GALNT10: variants seen among roughly 807,000 people sequenced by gnomAD.
The protein encoded by GALNT10 is GalNAc transferase 10.
A neutral mutation model predicts 75.0 loss-of-function variants in GALNT10; 41 were observed. That is an observed-to-expected ratio of 0.55 (90% CI 0.43 to 0.71). The LOEUF is 0.71. GALNT10 is among the 30% of genes least tolerant of loss of function. GALNT10 has a pLI of 0.00. For missense variants in GALNT10, 727 were observed against 818.5 expected (o/e 0.89, Z 1.36); for synonymous variants, 302 against 313.0 (o/e 0.96, Z 0.37).
intron 3 of GALNT10, among the ~76,000 whole-genome samples, chr5:154,309,094 A>AT (rs1258384938): frequency 1.3e-5 from 2 of 152,198 alleles, no homozygotes; most frequent in Non-Finnish European, 2.9e-5. Flanking sequence ...AATGGGGTAG[A>AT]TTTTATTTCA....
Position 154,352,111 on chromosome 5 carries a change from C to T in GALNT10, c.568+22373C>T, listed in dbSNP as rs1328835042. ...TCACTTAGGGAATATTTATGAAATA[C>T]CCACTCTGTATCTGTTTACCAGATA... is the stretch of plus-strand genomic sequence containing the variant. On this transcript the variant is annotated intron_variant, in intron 4 of 11. Transcript: ENST00000297107. This position sits in a 1 kb window ranked among gnomAD's most constrained non-coding sequence, Gnocchi z 4.4. 2.0e-5 allele frequency among the ~76,000 whole-genome samples: 3 copies of T among 152,216 alleles called. No individual in the cohort carries two copies. The highest frequency in any genetic ancestry group is 4.4e-5 in the Non-Finnish European group (3 of 68,036).
chr5:154,257,883 A>G (rs1048117017), intron 1 of GALNT10, among the ~76,000 whole-genome samples: 3 of 152,164 alleles, frequency 2.0e-5, no homozygotes, highest in Admixed American at 1.3e-4. Flanking sequence ...GTTTTTAAAA[A>G]TCTTTCTTGA....
intron 1 of GALNT10, among the ~76,000 whole-genome samples, chr5:154,239,605 A>T (rs1312795484): frequency 6.6e-6 from 1 of 152,172 alleles, no homozygotes; most frequent in Non-Finnish European, 1.5e-5. Context: ...CTTCCACAAA[A>T]CGAGTCCCTG....
At position 154,415,754 on chromosome 5, in the gene GALNT10, A is replaced by G. The variant is rs7727859; in HGVS notation, c.1504-29A>G. 8.8e-3 allele frequency: 14,028 copies of G among 1,586,876 alleles called. 1,113 individuals carry two copies. In the African/African-American group the frequency reaches 0.17, roughly 19 times the overall value. On this transcript the variant is annotated intron_variant, in intron 10 of 11. Coordinates refer to ENST00000297107, the MANE Select transcript of GALNT10 (RefSeq NM_198321.4). ...AAAAAAGAAAGTCCTTGGCTTTGCT[A>G]TCCCTATTTATGATGCCCCTGTGCA...
At chr5:154,311,161 G>A (rs1204910841) in intron 3 of GALNT10, among the ~76,000 whole-genome samples, 1 of 152,156 alleles carries the variant, frequency 6.6e-6, no homozygotes, top group Non-Finnish European at 1.5e-5. Context: ...GCAAACAGAT[G>A]CATTTTCTGA....
At chr5:154,410,320 G>A (rs1756370202) in intron 9 of GALNT10, among the ~76,000 whole-genome samples, 1 of 149,770 alleles carries the variant, frequency 6.7e-6, no homozygotes. Flanking sequence ...AGGATGACTT[G>A]AGCTCAGGAG....
intron 1 of GALNT10, among the ~76,000 whole-genome samples, chr5:154,243,097 C>T (rs1371016357): frequency 6.6e-6 from 1 of 151,876 alleles, no homozygotes; most frequent in Non-Finnish European, 1.5e-5. Flanking sequence ...TGTGCCTTCT[C>T]TCCCATCTGC....
intron 1 of GALNT10, among the ~76,000 whole-genome samples, chr5:154,232,924 G>A (rs13179668): frequency 0.17 from 25,379 of 152,098 alleles, 2,300 homozygotes; most frequent in Middle Eastern, 0.26. Context: ...ATGGAAGGGA[G>A]AATTACTCTA....
chr5:154,247,795 A>C (rs1753453133), intron 1 of GALNT10, among the ~76,000 whole-genome samples: 1 of 152,046 alleles, frequency 6.6e-6, no homozygotes, highest in Admixed American at 6.6e-5. Flanking sequence ...CTAATTGAAT[A>C]CCTTTATTTC....
chr5:154,353,265 G>A (rs1755237715), intron 4 of GALNT10, among the ~76,000 whole-genome samples: 1 of 152,116 alleles, frequency 6.6e-6, no homozygotes, highest in Non-Finnish European at 1.5e-5. Context: ...CCGCAATTAT[G>A]AGCGAAAACA....
At chr5:154,282,020 G>C (rs1754045486) in intron 1 of GALNT10, among the ~76,000 whole-genome samples, 1 of 152,188 alleles carries the variant, frequency 6.6e-6, no homozygotes, top group African/African-American at 2.4e-5. Flanking sequence ...CCAGAAACTA[G>C]ATAATGTATA....
Position 154,197,618 on chromosome 5 carries a change from A to T in GALNT10, c.159+6593A>T, listed in dbSNP as rs1581914148. The stretch of plus-strand genomic sequence containing the variant: ...GCTTTAAGAGAATGCTGAGCTTCAG[A>T]TGTTAAATTGTCTTCAGTTTTCTCA... On this transcript the variant is annotated intron_variant, in intron 1 of 11. Transcript: ENST00000297107. 2.0e-5 allele frequency among the ~76,000 whole-genome samples: 3 copies of T among 152,146 alleles called. No individual in the cohort carries two copies. In the South Asian group the frequency reaches 6.2e-4, roughly 32 times the overall value.
chr5:154,333,234 C>T (rs1049089133), intron 4 of GALNT10, among the ~76,000 whole-genome samples: 1 of 152,076 alleles, frequency 6.6e-6, no homozygotes, highest in Non-Finnish European at 1.5e-5. Flanking sequence ...ATGGGAAGCC[C>T]GAGGCCTGGA....
At chr5:154,273,282 C>A (rs1753898163) in intron 1 of GALNT10, among the ~76,000 whole-genome samples, 1 of 152,146 alleles carries the variant, frequency 6.6e-6, no homozygotes, top group Admixed American at 6.5e-5. Context: ...CTGGCTTGAA[C>A]ACTGGCCGGC....
chr5:154,207,125 C>T (rs934585881), intron 1 of GALNT10, among the ~76,000 whole-genome samples: 1 of 152,190 alleles, frequency 6.6e-6, no homozygotes, highest in Non-Finnish European at 1.5e-5. Context: ...CACAGCAACC[C>T]AATAACATAC....
intron 7 of GALNT10, chr5:154,386,631 ACT>A: frequency 1.6e-6 from 1 of 615,000 alleles, no homozygotes; most frequent in Non-Finnish European, 2.9e-6. Context: ...GAAGGGGAGT[ACT>A]CTCCAGCTGC....
chr5:154,356,486 C>A (rs896215755), intron 4 of GALNT10, among the ~76,000 whole-genome samples: 5 of 152,204 alleles, frequency 3.3e-5, no homozygotes, highest in African/African-American at 1.2e-4. Flanking sequence ...GCCCAGGAAG[C>A]CCTGCCCTCT....
At chr5:154,278,778 A>G (rs1408745513) in intron 1 of GALNT10, among the ~76,000 whole-genome samples, 1 of 152,230 alleles carries the variant, frequency 6.6e-6, no homozygotes, top group Non-Finnish European at 1.5e-5. Context: ...GGTACCTCAT[A>G]TAAGTGGAAT....
chr5:154,228,172 G>A lies in GALNT10; in HGVS notation c.159+37147G>A, dbSNP rs562764191. Among the ~76,000 whole-genome samples, 5 of 152,212 alleles carry A rather than the reference G, an allele frequency of 3.3e-5. No homozygotes were observed. The East Asian group carries it at 5.8e-4, about 18-fold the overall frequency. ...TGCTTCCTGTAAAGCCTTCAGAACC[G>A]TGAGCCAATTAAACCTCTTCTCTTT... On this transcript the variant is annotated intron_variant, in intron 1 of 11. Transcript: ENST00000297107.
Sources: allele counts gnomAD v4.1 joint callset (sites outside exome capture counted in the v4.1 genomes callset), GRCh38; gene constraint gnomAD v4.1.1; non-coding constraint Gnocchi (gnomAD v3.1); transcripts MANE v1.5; gene names NCBI Gene and HGNC (gene_info 2026-07-23, HGNC 2026-07-21).